PLCZ1: variants seen among roughly 807,000 people sequenced by gnomAD.
PLCZ1 encodes the protein 1-phosphatidylinositol 4,5-bisphosphate phosphodiesterase zeta-1.
In PLCZ1, 64 loss-of-function variants were observed where a neutral mutation model predicts 76.8. That is an observed-to-expected ratio of 0.83 (90% confidence interval 0.68 to 1.03). The LOEUF (loss-of-function observed/expected upper bound fraction) is 1.03. PLCZ1 is among the 50% of genes least tolerant of loss of function. The probability of loss-of-function intolerance (pLI) is 0.00; values close to 1 mark genes in which losing one functional copy is unlikely to be tolerated. For missense variants in PLCZ1, 751 were observed against 713.7 expected (o/e 1.05, Z -0.60); for synonymous variants, 248 against 230.8 (o/e 1.07, Z -0.68).
chr12:18,661,336 G>A, the PLCZ1 span, among the ~76,000 whole-genome samples: 8 of 117,624 alleles, frequency 6.8e-5, no homozygotes, highest in East Asian at 1.0e-3. Flanking sequence ...AGAAAGACCC[G>A]TACCAAGACA....
intron 3 of PLCZ1, chr12:18,731,253 C>A (rs966565292): frequency 1.3e-5 from 2 of 151,826 alleles, no homozygotes; most frequent in Admixed American, 1.3e-4. Context: ...GTATAGCGAA[C>A]AGCTTTCGTA....
intron 10 of PLCZ1, 148 bp downstream of exon 10, chr12:18,699,646 A>G: frequency 1.2e-6 from 1 of 805,462 alleles, no homozygotes; most frequent in East Asian, 2.7e-5. Context: ...ATGAGACCTG[A>G]GGTATGTAAC....
downstream of PLCZ1, among the ~76,000 whole-genome samples, chr12:18,680,247 T>A (rs964301822): frequency 6.6e-6 from 1 of 152,046 alleles, no homozygotes; most frequent in Non-Finnish European, 1.5e-5. Context: ...CTCTCTGCAC[T>A]AACCAACAGC....
chr12:18,700,398 T>C (rs1955713985), intron 9 of PLCZ1, among the ~76,000 whole-genome samples: 1 of 151,460 alleles, frequency 6.6e-6, no homozygotes, highest in South Asian at 2.1e-4. Flanking sequence ...TTCTTGCTCA[T>C]GCTCAATCCA....
intron 7 of PLCZ1, among the ~76,000 whole-genome samples, chr12:18,703,243 G>A (rs1020308257): frequency 9.2e-5 from 14 of 152,126 alleles, no homozygotes; most frequent in Non-Finnish European, 1.3e-4. Flanking sequence ...CAAAAGAACC[G>A]TGGTCTTTCC....
chr12:18,723,646 G>T, intron 3 of PLCZ1, 104 bp from the exon 4 acceptor site: 1 of 923,174 alleles, frequency 1.1e-6, no homozygotes, highest in Non-Finnish European at 1.7e-6. Context: ...CTTGAAAGAA[G>T]ATGAAAATTA....
intron 3 of PLCZ1, among the ~76,000 whole-genome samples, chr12:18,732,243 C>G (rs1373789026): frequency 6.6e-6 from 1 of 152,152 alleles, no homozygotes; most frequent in Non-Finnish European, 1.5e-5. Context: ...CCTCTATCTC[C>G]TGAGCTCAAA....
the PLCZ1 span, among the ~76,000 whole-genome samples, chr12:18,650,602 G>A: frequency 9.9e-4 from 146 of 147,078 alleles, 1 homozygote; most frequent in South Asian, 8.1e-3. Flanking sequence ...CTTGATATGA[G>A]AGCTGATACG....
rs1398904269 is a variant in PLCZ1 at position 18,736,249 on chromosome 12, C to G, written c.107G>C (p.Ser36Thr). The part of the protein sequence containing the change: ...RLLEKLDIRC[S>T]YIHVKQIFKD... ...AAAAATCTGTTTCACATGAATATAA[C>G]TGCACCGAATATCTAATTTTTCAAG... The change falls in exon 3 of 15, where the codon AGT (serine) becomes ACT (threonine). Residue 36 changes from serine (S) to threonine (T), a missense_variant. By Grantham distance (58) the Ser-to-Thr change is moderately conservative. Coordinates refer to ENST00000266505, the MANE Select transcript of PLCZ1 (RefSeq NM_033123.4). 4.3e-6 allele frequency: 7 copies of G among 1,612,770 alleles called. No individual in the cohort carries two copies. Among genetic ancestry groups the G allele is most frequent in the Non-Finnish European group, 5.1e-6 (6 of 1,179,240 alleles).
At chr12:18,690,012 C>A (rs1259398920) in intron 12 of PLCZ1, among the ~76,000 whole-genome samples, 1 of 152,156 alleles carries the variant, frequency 6.6e-6, no homozygotes, top group African/African-American at 2.4e-5. Flanking sequence ...CAAGAGACTC[C>A]TCAGAATACA....
the PLCZ1 span, chr12:18,647,747 T>C: frequency 2.4e-6 from 1 of 425,332 alleles, no homozygotes; most frequent in Non-Finnish European, 4.0e-6. Context: ...TAAAAGAGTC[T>C]GACATTAACC....
the PLCZ1 span, chr12:18,647,920 G>C: frequency 1.9e-6 from 3 of 1,596,482 alleles, no homozygotes; most frequent in Admixed American, 5.1e-5. Flanking sequence ...ATGTCTTAAT[G>C]CTTATTGTGA....
At chr12:18,733,221 T>C (rs1404571444) in intron 3 of PLCZ1, among the ~76,000 whole-genome samples, 1 of 152,196 alleles carries the variant, frequency 6.6e-6, no homozygotes, top group Non-Finnish European at 1.5e-5. Flanking sequence ...GAGCACTTAT[T>C]TATATACCTG....
intron 5 of PLCZ1, chr12:18,713,908 A>G (rs1957637895): frequency 6.6e-6 from 1 of 152,216 alleles, no homozygotes. Flanking sequence ...CTGTGTTTAA[A>G]TTAATTTTCA....
chr12:18,665,187 A>T, the PLCZ1 span, among the ~76,000 whole-genome samples: 2,650 of 152,110 alleles, frequency 0.017, 41 homozygotes, highest in Middle Eastern at 0.054. Context: ...AAATTAAAAA[A>T]AATAAGAACA....
At chr12:18,683,750 G>A in intron 14 of PLCZ1, 1 of 656,252 alleles carries the variant, frequency 1.5e-6, no homozygotes. Flanking sequence ...GGAAAGGATA[G>A]TCTCAGGCTC....
At chr12:18,718,941 C>G (rs1408266495) in intron 5 of PLCZ1, among the ~76,000 whole-genome samples, 1 of 152,104 alleles carries the variant, frequency 6.6e-6, no homozygotes, top group African/African-American at 2.4e-5. Flanking sequence ...TATTTTTAAT[C>G]TATGTAAACT....
At chr12:18,722,991 T>A (rs1296623894) in intron 4 of PLCZ1, among the ~76,000 whole-genome samples, 1 of 152,090 alleles carries the variant, frequency 6.6e-6, no homozygotes, top group East Asian at 1.9e-4. Context: ...AGATACTTTC[T>A]TCTAATAGGG....
At chr12:18,713,066 C>T (rs1957527714) in intron 5 of PLCZ1, 80 bp from the exon 6 acceptor site, 2 of 1,549,950 alleles carry the variant, frequency 1.3e-6, no homozygotes, top group Admixed American at 1.7e-5. Context: ...ATTCCAAAGA[C>T]CATTTGATTT....
Sources: allele counts gnomAD v4.1 joint callset (sites outside exome capture counted in the v4.1 genomes callset), GRCh38; gene constraint gnomAD v4.1.1; transcripts MANE v1.5; gene names NCBI Gene and HGNC (gene_info 2026-07-23, HGNC 2026-07-21).